Variants in EPB41L5 observed in about 807,000 individuals in gnomAD.
EPB41L5 encodes band 4.1-like protein 5.
EPB41L5 carries 55 observed loss-of-function variants against 106.6 expected under a neutral mutation model. The ratio of observed to expected loss-of-function variants is 0.52; its 90% CI spans 0.42 to 0.65. The LOEUF (loss-of-function observed/expected upper bound fraction) is 0.65. Among genes scored for constraint, EPB41L5 ranks in the 30% least tolerant of loss-of-function variants. The pLI, the probability that EPB41L5 is intolerant of heterozygous loss-of-function variation, is 0.00. For missense variants in EPB41L5, 871 were observed against 882.1 expected (o/e 0.99, Z 0.16); for synonymous variants, 297 against 306.7 (o/e 0.97, Z 0.33).
Position 120,019,100 on chromosome 2 carries a change from C to T in EPB41L5, c.16C>T (p.Arg6Cys), listed in dbSNP as rs1342040424. The part of the protein sequence containing the change: MLSFF[R>C]RTLGRRSMRK... Reference sequence around the variant, plus strand: ...AGTGACAAAAATGCTGAGTTTCTTCCGTAGAACACTAGGGCGTCGGTCTAT... The same window carrying T: ...AGTGACAAAAATGCTGAGTTTCTTCTGTAGAACACTAGGGCGTCGGTCTAT... Residue 6 changes from arginine (R) to cysteine (C), a missense_variant, in exon 2 of 25, where the codon CGT becomes TGT. Arg to Cys is a radical substitution (Grantham distance 180). Coordinates refer to ENST00000263713, the MANE Select transcript of EPB41L5 (RefSeq NM_020909.4). 7 of 1,603,718 alleles carry T rather than the reference C, an allele frequency of 4.4e-6. No homozygotes were observed. The highest frequency in any genetic ancestry group is 5.9e-6 in the Non-Finnish European group (7 of 1,177,426).
chr2:120,040,071 T>TTATA (rs199499014), intron 2 of EPB41L5, among the ~76,000 whole-genome samples: 27 of 146,656 alleles, frequency 1.8e-4, no homozygotes, highest in African/African-American at 5.8e-4. Flanking sequence ...TCTGTGCTTT[T>TTATA]TATATATATA....
chr2:120,021,368 G>T (rs961174710), intron 2 of EPB41L5, among the ~76,000 whole-genome samples: 2 of 151,872 alleles, frequency 1.3e-5, no homozygotes, highest in African/African-American at 2.4e-5. Context: ...AATTGGGCCA[G>T]GTGCAGTGGC....
chr2:120,019,728 C>G (rs960930650), intron 2 of EPB41L5, among the ~76,000 whole-genome samples: 1 of 152,144 alleles, frequency 6.6e-6, no homozygotes, highest in African/African-American at 2.4e-5. Flanking sequence ...ATAAATATTT[C>G]CCCACAATTT....
chr2:120,082,951 TCC>T (rs1682786703), intron 10 of EPB41L5, among the ~76,000 whole-genome samples: 1 of 152,172 alleles, frequency 6.6e-6, no homozygotes, highest in Non-Finnish European at 1.5e-5. Flanking sequence ...GGTGGTAATA[TCC>T]CCTTTATCAT....
rs999977785 is a variant in EPB41L5, at chr2:120,155,523, G to T, written c.1794-5358G>T. On this transcript the variant is annotated intron_variant, in intron 20 of 24. Transcript: ENST00000263713. ...GTGGAGTTCATTGAGCTTCTTAGAT[G>T]TGTAGATTCATGTCTTTTATCAAAC... is the stretch of plus-strand genomic sequence containing the variant. 3.3e-5 allele frequency among the ~76,000 whole-genome samples: 5 copies of T among 152,068 alleles called. No homozygotes were observed. In the East Asian group the frequency reaches 9.6e-4, roughly 29 times the overall value.
intron 20 of EPB41L5, among the ~76,000 whole-genome samples, chr2:120,159,423 CAAAAAAA>C (rs36001495): frequency 3.2e-5 from 3 of 95,176 alleles, no homozygotes; most frequent in Admixed American, 1.1e-4. Flanking sequence ...GACTCCATCT[CAAAAAAA>C]AAAAAAAAAA....
intron 3 of EPB41L5, among the ~76,000 whole-genome samples, chr2:120,043,871 G>A (rs2105217340): frequency 6.6e-6 from 1 of 152,288 alleles, no homozygotes; most frequent in Non-Finnish European, 1.5e-5. Flanking sequence ...TCTAGGCCAG[G>A]AGCAGTGGCT....
Position 120,099,662 on chromosome 2 carries a change from C to T in EPB41L5, c.1179-582C>T, listed in dbSNP as rs367600146. Among the ~76,000 whole-genome samples, 77 of 152,188 alleles carry T rather than the reference C, an allele frequency of 5.1e-4. 1 individual carries two copies. Among genetic ancestry groups the T allele is most frequent in the African/African-American group, 1.7e-3 (72 of 41,512 alleles). ...CAGGATGGTCTCGATCTCCTGGCCT[C>T]GTGATCGCCCACCTCAGCCTCCCAA... is the stretch of plus-strand genomic sequence containing the variant. On this transcript the variant is annotated intron_variant, in intron 14 of 24. Coordinates refer to ENST00000263713, the MANE Select transcript of EPB41L5 (RefSeq NM_020909.4).
intron 4 of EPB41L5, among the ~76,000 whole-genome samples, chr2:120,073,576 A>G (rs1166979716): frequency 6.6e-6 from 1 of 152,318 alleles, no homozygotes. Flanking sequence ...GATATTTTAA[A>G]ATTAAGAAAA....
intron 13 of EPB41L5, among the ~76,000 whole-genome samples, chr2:120,092,477 G>T (rs1263077859): frequency 2.6e-5 from 4 of 152,132 alleles, no homozygotes; most frequent in Non-Finnish European, 5.9e-5. Context: ...ATTAAGATCA[G>T]TTATATAAGA....
intron 3 of EPB41L5, among the ~76,000 whole-genome samples, chr2:120,059,816 G>A (rs375267721): frequency 1.3e-5 from 2 of 152,188 alleles, no homozygotes; most frequent in East Asian, 1.9e-4. Flanking sequence ...CTGGGAGGTG[G>A]AGGCTGCTGT....
At chr2:120,082,176 C>G (rs1309451331) in intron 10 of EPB41L5, among the ~76,000 whole-genome samples, 1 of 152,104 alleles carries the variant, frequency 6.6e-6, no homozygotes, top group East Asian at 1.9e-4. Context: ...GAGGGCATCC[C>G]TGTCTTGTGC....
At chr2:120,075,598 T>G in intron 6 of EPB41L5, 78 bp downstream of exon 6, 2 of 1,422,564 alleles carry the variant, frequency 1.4e-6, no homozygotes, top group Non-Finnish European at 2.0e-6. Flanking sequence ...AGTTTATAGT[T>G]GTAAAAAAGA....
intron 3 of EPB41L5, among the ~76,000 whole-genome samples, chr2:120,051,244 C>T (rs887553692): frequency 3.9e-5 from 6 of 152,196 alleles, no homozygotes; most frequent in Non-Finnish European, 7.3e-5. Context: ...CTATGCCCTG[C>T]CCCCAGAGGT....
chr2:120,025,974 C>T (rs1327712314), intron 2 of EPB41L5, among the ~76,000 whole-genome samples: 1 of 152,104 alleles, frequency 6.6e-6, no homozygotes, highest in Non-Finnish European at 1.5e-5. Flanking sequence ...AGAAACAAAC[C>T]CATGCGGTCA....
intron 18 of EPB41L5, among the ~76,000 whole-genome samples, chr2:120,132,190 G>A (rs1440475563): frequency 6.6e-6 from 1 of 152,080 alleles, no homozygotes; most frequent in Non-Finnish European, 1.5e-5. Context: ...CACCAATCAA[G>A]CTTCAATTTA....
chr2:120,041,392 G>A (rs1247490544), intron 2 of EPB41L5, among the ~76,000 whole-genome samples: 3 of 152,090 alleles, frequency 2.0e-5, no homozygotes, highest in Non-Finnish European at 4.4e-5. Flanking sequence ...TTTGAGAACT[G>A]CTTTTTCCAT....
chr2:120,155,668 C>T (rs993536516), intron 20 of EPB41L5, among the ~76,000 whole-genome samples: 3 of 152,054 alleles, frequency 2.0e-5, no homozygotes, highest in Middle Eastern at 3.2e-3. Context: ...GTTTCTCAAG[C>T]TCTGCTCATT....
intron 2 of EPB41L5, among the ~76,000 whole-genome samples, chr2:120,035,816 G>C (rs1391410197): frequency 1.3e-5 from 2 of 152,142 alleles, no homozygotes; most frequent in Non-Finnish European, 2.9e-5. Flanking sequence ...TGCCCTGTTT[G>C]GGACAAGATA....
Sources: allele counts gnomAD v4.1 joint callset (sites outside exome capture counted in the v4.1 genomes callset), GRCh38; gene constraint gnomAD v4.1.1; transcripts MANE v1.5; gene names NCBI Gene and HGNC (gene_info 2026-07-23, HGNC 2026-07-21).